The following RBP2 variants were observed in gnomAD, a reference collection of about 807,000 sequenced individuals.
The protein encoded by RBP2 is retinol binding protein 2, also known as retinol-binding protein 2.
Under a neutral mutation model 17.0 loss-of-function variants are expected in RBP2, and 17 were observed. The observed-to-expected ratio is 1.00, with a 90% CI of 0.68 to 1.50. RBP2 has a LOEUF of 1.50. Among genes scored for constraint, RBP2 ranks in the 40% most tolerant of loss-of-function variants. The pLI, the probability that RBP2 is intolerant of heterozygous loss-of-function variation, is 0.00. For synonymous variants in RBP2, 48 were observed against 57.1 expected, an observed-to-expected ratio of 0.84 and a Z score of 0.72; for missense variants, 158 against 168.2, an observed-to-expected ratio of 0.94 and a Z score of 0.33.
chr3:139,468,536 G>A (rs1462275469), intron 1 of RBP2, among the ~76,000 whole-genome samples: 1 of 152,128 alleles, frequency 6.6e-6, no homozygotes. Flanking sequence ...TTCAGTGTTT[G>A]CACAACCCAG....
At position 139,472,572 on chromosome 3, in the gene RBP2, T is replaced by C. The variant is rs114980992; in HGVS notation, c.73+3815A>G. Reference sequence around the variant, plus strand: ...ACATGGGGAGACCACATGTAGATGCTGAAGGCCAGTTAAGGTCTCAGCTGC... The same window carrying C: ...ACATGGGGAGACCACATGTAGATGCCGAAGGCCAGTTAAGGTCTCAGCTGC... On this transcript the variant is annotated intron_variant, in intron 1 of 3. Transcript: ENST00000232217. Among the ~76,000 whole-genome samples the C allele has an allele frequency of 3.3e-3, 499 of 152,298 alleles. 3 individuals are homozygous for C. Among genetic ancestry groups the C allele is most frequent in the African/African-American group, 0.012 (484 of 41,562 alleles).
rs533725554 is a variant in RBP2, at chr3:139,458,581, C to T, written c.252+3531G>A. On this transcript the variant is annotated intron_variant, in intron 2 of 3. Coordinates refer to ENST00000232217, the MANE Select transcript of RBP2 (RefSeq NM_004164.3). ...ATCTAAATCCAGGTGATTTTCTTCA[C>T]GCCCCAAAAGGAACCCCTATGTACT... 2.1e-4 allele frequency among the ~76,000 whole-genome samples: 32 copies of T among 152,324 alleles called. No individual in the cohort carries two copies. The South Asian group carries it at 5.6e-3, about 27-fold the overall frequency.
chr3:139,453,249 T>A, intron 3 of RBP2, 83 bp from the exon 4 acceptor site: 1 of 1,493,424 alleles, frequency 6.7e-7, no homozygotes, highest in African/African-American at 1.4e-5. Flanking sequence ...TATCTGGGGG[T>A]GGGAGGTTGG....
At chr3:139,469,724 TCTATCTATCTAC>T (rs1455565301) in intron 1 of RBP2, among the ~76,000 whole-genome samples, 2 of 150,760 alleles carry the variant, frequency 1.3e-5, no homozygotes, top group Admixed American at 6.6e-5. Context: ...TATCTATCTA[TCTATCTATCTAC>T]CTACTCATTT....
chr3:139,452,988 A>G lies in RBP2; in HGVS notation c.*128T>C. ...CTGCTACATAGGCATTCTGTTTAAAACCCACCCAGATGCCTTAATGGGGCT... is the reference window on the plus strand; with the variant it reads ...CTGCTACATAGGCATTCTGTTTAAAGCCCACCCAGATGCCTTAATGGGGCT... On this transcript the variant is annotated 3_prime_UTR_variant, in exon 4 of 4. Coordinates refer to ENST00000232217, the MANE Select transcript of RBP2 (RefSeq NM_004164.3). 1 of 1,026,116 alleles carries G rather than the reference A, an allele frequency of 9.7e-7. No homozygotes were observed. Among genetic ancestry groups the G allele is most frequent in the Non-Finnish European group, 1.5e-6 (1 of 660,082 alleles). 63.6% of individuals were successfully genotyped at this position (1,026,116 alleles called of 1,614,324 possible).
intron 1 of RBP2, chr3:139,466,451 A>G (rs1396851845): frequency 6.6e-6 from 1 of 152,234 alleles, no homozygotes; most frequent in East Asian, 1.9e-4. Context: ...AATTGCTACA[A>G]GCCACTGAAG....
intron 2 of RBP2, among the ~76,000 whole-genome samples, chr3:139,456,156 G>A (rs560068038): frequency 7.2e-5 from 11 of 152,092 alleles, no homozygotes; most frequent in Non-Finnish European, 1.6e-4. Context: ...TTCCAAGTAT[G>A]TGCAAACTAC....
rs780489036 is a variant in RBP2 at position 139,454,856 on chromosome 3, T to G, written c.253-26A>C. The G allele has an allele frequency of 1.1e-5, 18 of 1,598,124 alleles. No homozygotes were observed. In the Admixed American group the frequency reaches 1.5e-4, roughly 13 times the overall value. On this transcript the variant is annotated intron_variant, in intron 2 of 3. Coordinates refer to ENST00000232217, the MANE Select transcript of RBP2 (RefSeq NM_004164.3). The stretch of plus-strand genomic sequence containing the variant: ...CTGTAAAGACAGATTCCCAGGCAAA[T>G]CAAACACATGGTCTTGAGGGACTGA...
chr3:139,457,821 C>T (rs1933027503), intron 2 of RBP2, among the ~76,000 whole-genome samples: 1 of 152,194 alleles, frequency 6.6e-6, no homozygotes, highest in Non-Finnish European at 1.5e-5. Flanking sequence ...GGGCAGATAG[C>T]TGTACACAGA....
At chr3:139,462,940 C>T (rs1326160770) in intron 1 of RBP2, among the ~76,000 whole-genome samples, 1 of 151,918 alleles carries the variant, frequency 6.6e-6, no homozygotes, top group Non-Finnish European at 1.5e-5. Flanking sequence ...CTCAAGTGAT[C>T]CTCCCATTTC....
intron 3 of RBP2, among the ~76,000 whole-genome samples, 154 bp downstream of exon 3, chr3:139,454,575 T>A (rs2107864166): frequency 6.6e-6 from 1 of 152,328 alleles, no homozygotes; most frequent in South Asian, 2.1e-4. Context: ...CTGAGCCAGA[T>A]GGGAATGGCT....
At chr3:139,461,101 A>G (rs942810513) in intron 2 of RBP2, among the ~76,000 whole-genome samples, 3 of 152,100 alleles carry the variant, frequency 2.0e-5, no homozygotes, top group Non-Finnish European at 4.4e-5. Flanking sequence ...GTGTAATTTG[A>G]TTTGGAAAAT....
At chr3:139,473,135 C>T (rs374377278) in intron 1 of RBP2, among the ~76,000 whole-genome samples, 1 of 152,190 alleles carries the variant, frequency 6.6e-6, no homozygotes, top group African/African-American at 2.4e-5. Context: ...AAGAGTTCAC[C>T]AACTGGTTTC....
Position 139,476,388 on chromosome 3 carries a change from C to A in RBP2, c.72G>T (p.Leu24=). Residue 24 remains leucine (L), a splice_region_variant and synonymous_variant, in exon 1 of 4, where the codon CTG becomes CTT. Transcript: ENST00000232217. ...CCCCATCCCCAGTCTCCTCCTTACC[C>A]AGGGCCTTCATGTAGCCCTCAAAGT... is the stretch of plus-strand genomic sequence containing the variant. The part of the protein sequence containing the change: ...NENFEGYMKA[L]DIDFATRKIA... The A allele has an allele frequency of 6.2e-7, 1 of 1,613,638 alleles. No individual in the cohort carries two copies. The highest frequency in any genetic ancestry group is 8.5e-7 in the Non-Finnish European group (1 of 1,179,600).
intron 1 of RBP2, among the ~76,000 whole-genome samples, chr3:139,468,971 A>G (rs1340022062): frequency 6.6e-6 from 1 of 152,226 alleles, no homozygotes; most frequent in East Asian, 1.9e-4. Context: ...CTGCATTTTG[A>G]ACAATACAAG....
At position 139,460,388 on chromosome 3, in the gene RBP2, A is replaced by G. The variant is rs181482523; in HGVS notation, c.252+1724T>C. Among the ~76,000 whole-genome samples the G allele has an allele frequency of 4.8e-3, 733 of 152,270 alleles. 5 individuals are homozygous for G. The highest frequency in any genetic ancestry group is 8.2e-3 in the Non-Finnish European group (556 of 68,022). ...GGTGGAAAAATTTCCATCATGCTTT[A>G]TATTTCCCTACTTTTCTTTAGCAAA... On this transcript the variant is annotated intron_variant, in intron 2 of 3. Transcript: ENST00000232217.
At chr3:139,464,614 G>T (rs1372266552) in intron 1 of RBP2, among the ~76,000 whole-genome samples, 2 of 152,176 alleles carry the variant, frequency 1.3e-5, no homozygotes, top group Non-Finnish European at 2.9e-5. Flanking sequence ...CTTGTATAAA[G>T]TCAGATTTGA....
chr3:139,461,374 T>C (rs1933181777), intron 2 of RBP2, among the ~76,000 whole-genome samples: 1 of 152,196 alleles, frequency 6.6e-6, no homozygotes, highest in African/African-American at 2.4e-5. Flanking sequence ...GTCCCATCTA[T>C]ATTCAGTAGT....
chr3:139,459,283 T>C (rs2107868968), intron 2 of RBP2, among the ~76,000 whole-genome samples: 1 of 151,974 alleles, frequency 6.6e-6, no homozygotes, highest in African/African-American at 2.4e-5. Context: ...AGGCCAGGCA[T>C]GGTGGCTCAC....
Sources: allele counts gnomAD v4.1 joint callset (sites outside exome capture counted in the v4.1 genomes callset), GRCh38; gene constraint gnomAD v4.1.1; transcripts MANE v1.5; gene names NCBI Gene and HGNC (gene_info 2026-07-23, HGNC 2026-07-21).